Variants in GLIS3 observed in about 807,000 individuals in gnomAD.
GLIS3 encodes the protein GLIS family zinc finger 3.
GLIS3 carries 53 observed loss-of-function variants against 78.6 expected under a neutral mutation model. The ratio of observed to expected loss-of-function variants is 0.67; its 90% CI spans 0.54 to 0.85. The LOEUF is 0.85. Among genes scored for constraint, GLIS3 ranks in the 40% least tolerant of loss-of-function variants. GLIS3 has a pLI of 0.00. For missense variants in GLIS3, 1,703 were observed against 1,231.1 expected (o/e 1.38, Z -5.74); for synonymous variants, 684 against 509.9 (o/e 1.34, Z -4.60).
intron 2 of GLIS3, among the ~76,000 whole-genome samples, chr9:4,195,454 A>G (rs2131238421): frequency 6.6e-6 from 1 of 152,296 alleles, no homozygotes; most frequent in Admixed American, 6.5e-5. Context: ...CAGCAGCTGC[A>G]GAGGGGATGC....
chr9:4,155,371 T>A (rs1377121365), intron 2 of GLIS3, among the ~76,000 whole-genome samples: 1 of 152,208 alleles, frequency 6.6e-6, no homozygotes, highest in Non-Finnish European at 1.5e-5. Context: ...CATGGCGCAT[T>A]TTGTCCATAA....
intron 4 of GLIS3, among the ~76,000 whole-genome samples, chr9:4,307,940 G>A (rs1202109567): frequency 6.6e-6 from 1 of 152,026 alleles, no homozygotes; most frequent in Non-Finnish European, 1.5e-5. Flanking sequence ...GGTTGTTTAG[G>A]GTGCTATTTA....
In GLIS3 at chr9:3,843,510, G is replaced by A. The variant is rs148846168; in HGVS notation, c.2473+12499C>T. The stretch of plus-strand genomic sequence containing the variant: ...AACCTGACATACATCACTGGATCCC[G>A]GGATCTCTGTTATCTCCATCTGGCT... On this transcript the variant is annotated intron_variant, in intron 9 of 10. Coordinates refer to ENST00000381971, the MANE Select transcript of GLIS3 (RefSeq NM_001042413.2). Among the ~76,000 whole-genome samples the A allele has an allele frequency of 9.9e-5, 15 of 152,232 alleles. No homozygotes were observed. In the East Asian group the frequency reaches 2.9e-3, roughly 29 times the overall value.
upstream of GLIS3, among the ~76,000 whole-genome samples, chr9:4,303,416 T>C (rs1258435414): frequency 6.6e-6 from 1 of 152,164 alleles, no homozygotes; most frequent in Non-Finnish European, 1.5e-5. Flanking sequence ...GTACAAATAG[T>C]GGAATGCAGC....
intron 2 of GLIS3, among the ~76,000 whole-genome samples, chr9:4,162,732 C>T (rs1460061523): frequency 6.6e-6 from 1 of 151,870 alleles, no homozygotes; most frequent in African/African-American, 2.4e-5. Context: ...TGGCACACAC[C>T]TGTAATCCCA....
the GLIS3 span, among the ~76,000 whole-genome samples, chr9:4,397,300 C>G: frequency 6.6e-6 from 1 of 151,196 alleles, no homozygotes; most frequent in African/African-American, 2.4e-5. Flanking sequence ...GCTGGGATTA[C>G]AGGCGTGAGC....
chr9:3,831,705 C>G (rs999007495), intron 9 of GLIS3, among the ~76,000 whole-genome samples: 1 of 152,164 alleles, frequency 6.6e-6, no homozygotes, highest in Non-Finnish European at 1.5e-5. Flanking sequence ...AAACAGAAAA[C>G]TGAAGAGCCA....
intron 2 of GLIS3, among the ~76,000 whole-genome samples, chr9:4,197,285 A>C (rs1400099120): frequency 6.6e-6 from 1 of 152,086 alleles, no homozygotes; most frequent in Non-Finnish European, 1.5e-5. Context: ...CTCCATGACT[A>C]AGCACATCTC....
At chr9:4,341,573 C>G (rs1369555804) in intron 2 of GLIS3, among the ~76,000 whole-genome samples, 1 of 152,210 alleles carries the variant, frequency 6.6e-6, no homozygotes, top group African/African-American at 2.4e-5. Context: ...ACCCCTAGCA[C>G]TTCCTCACCT....
chr9:4,328,607 T>A (rs1817637175), intron 2 of GLIS3, among the ~76,000 whole-genome samples: 1 of 152,186 alleles, frequency 6.6e-6, no homozygotes, highest in African/African-American at 2.4e-5. Context: ...AACCAAATCA[T>A]GATTATGTAT....
intron 4 of GLIS3, among the ~76,000 whole-genome samples, chr9:4,010,675 C>G (rs76702123): frequency 6.6e-6 from 1 of 152,158 alleles, no homozygotes; most frequent in African/African-American, 2.4e-5. Flanking sequence ...TGGCTCTTTC[C>G]TTTGATTTCT....
chr9:3,891,846 TCATGAAGTA>T (rs1257252028), intron 7 of GLIS3, among the ~76,000 whole-genome samples: 1 of 152,204 alleles, frequency 6.6e-6, no homozygotes, highest in Non-Finnish European at 1.5e-5. Flanking sequence ...ATCGCATCTT[TCATGAAGTA>T]CATCCACTTC....
intron 4 of GLIS3, among the ~76,000 whole-genome samples, chr9:3,939,085 A>G (rs941421493): frequency 1.3e-5 from 2 of 152,198 alleles, no homozygotes; most frequent in Non-Finnish European, 2.9e-5. Context: ...GGTTCTTAGC[A>G]AGGCTCTTTT....
At chr9:4,457,753 G>A in the GLIS3 span, among the ~76,000 whole-genome samples, 1 of 151,766 alleles carries the variant, frequency 6.6e-6, no homozygotes, top group South Asian at 2.1e-4. Context: ...GGGAGGCTGA[G>A]GCAGAAGAAT....
intron 2 of GLIS3, among the ~76,000 whole-genome samples, chr9:4,255,640 C>G (rs930928130): frequency 2.0e-5 from 3 of 152,078 alleles, no homozygotes; most frequent in Non-Finnish European, 4.4e-5. Flanking sequence ...ATAATTCCAA[C>G]TATATGATAT....
intron 1 of GLIS3, among the ~76,000 whole-genome samples, chr9:4,297,707 G>A (rs938284047): frequency 2.6e-5 from 4 of 152,134 alleles, no homozygotes; most frequent in East Asian, 1.9e-4. Flanking sequence ...ATGCTCCAGA[G>A]ATGAGGGCCA....
chr9:4,118,017 C>G lies in GLIS3; in HGVS notation c.1461G>C (p.Leu487=). 1 of 1,605,524 alleles carries G rather than the reference C, an allele frequency of 6.2e-7. No individual in the cohort carries two copies. Among genetic ancestry groups the G allele is most frequent in the Non-Finnish European group, 8.5e-7 (1 of 1,176,316 alleles). The part of the protein sequence containing the change: ...AQQLALPQAT[L]DDDGEMDGIG... ...TGCCGTCCATCTCCCCGTCGTCGTC[C>G]AGGGTGGCCTGGGGCAAGGCCAGCT... Residue 487 remains leucine, a synonymous_variant, in exon 4 of 11, where the codon CTG becomes CTC. Coordinates refer to ENST00000381971, the MANE Select transcript of GLIS3 (RefSeq NM_001042413.2). This position sits in a 1 kb window ranked among gnomAD's most constrained non-coding sequence, Gnocchi z 4.7.
At chr9:4,210,887 T>A (rs529864853) in intron 2 of GLIS3, among the ~76,000 whole-genome samples, 2 of 152,298 alleles carry the variant, frequency 1.3e-5, no homozygotes, top group East Asian at 3.9e-4. Flanking sequence ...CAAGGTAAAT[T>A]CCACACACCC....
At chr9:4,457,362 A>G in the GLIS3 span, among the ~76,000 whole-genome samples, 5 of 148,222 alleles carry the variant, frequency 3.4e-5, no homozygotes, top group African/African-American at 1.2e-4. Context: ...CCTTGTCTCA[A>G]AAAAAAAAAA....
Sources: allele counts gnomAD v4.1 joint callset (sites outside exome capture counted in the v4.1 genomes callset), GRCh38; gene constraint gnomAD v4.1.1; non-coding constraint Gnocchi (gnomAD v3.1); transcripts MANE v1.5; gene names NCBI Gene and HGNC (gene_info 2026-07-23, HGNC 2026-07-21).